Variants in LRP1B observed in about 807,000 individuals in gnomAD.
LRP1B encodes the protein LDL receptor related protein 1B.
A neutral mutation model predicts 556.6 loss-of-function variants in LRP1B; 217 were observed. The ratio of observed to expected loss-of-function variants is 0.39; its 90% CI spans 0.35 to 0.44. The LOEUF is 0.44. Ranked by LOEUF, LRP1B falls within the 20% of genes least tolerant of loss-of-function variation. LRP1B has a pLI of 1.00. For missense variants in LRP1B, 5,053 were observed against 5,620.8 expected (o/e 0.90, Z 3.23); for synonymous variants, 2,047 against 1,865.8 (o/e 1.10, Z -2.50).
At chr2:140,351,345 G>C in intron 76 of LRP1B, among the ~76,000 whole-genome samples, 1 of 151,758 alleles carries the variant, frequency 6.6e-6, no homozygotes, top group East Asian at 1.9e-4. Flanking sequence ...CAATACACTA[G>C]GTTATAATGC....
At chr2:141,187,035 T>C (rs1352298550) in intron 7 of LRP1B, among the ~76,000 whole-genome samples, 6 of 152,026 alleles carry the variant, frequency 3.9e-5, no homozygotes, top group Admixed American at 1.3e-4. Context: ...ATGCAAGCAA[T>C]ATATTTCTCA....
intron 3 of LRP1B, among the ~76,000 whole-genome samples, chr2:141,260,995 TA>T (rs1434091042): frequency 1.3e-5 from 2 of 152,120 alleles, no homozygotes; most frequent in Non-Finnish European, 2.9e-5. Context: ...TGTGGCACAT[TA>T]AAAAAACAAG....
intron 5 of LRP1B, among the ~76,000 whole-genome samples, chr2:141,239,159 T>A (rs1438190845): frequency 1.3e-5 from 2 of 152,044 alleles, no homozygotes; most frequent in Non-Finnish European, 2.9e-5. Flanking sequence ...TGAGAAAAAA[T>A]GCCCAGTAAG....
intron 67 of LRP1B, among the ~76,000 whole-genome samples, chr2:140,382,322 G>A (rs72990626): frequency 1.3e-5 from 2 of 152,022 alleles, no homozygotes; most frequent in African/African-American, 4.8e-5. Flanking sequence ...AAAATCCATT[G>A]GATTTTTAGT....
At chr2:140,572,880 TA>T (rs1290587380) in intron 43 of LRP1B, among the ~76,000 whole-genome samples, 1 of 151,794 alleles carries the variant, frequency 6.6e-6, no homozygotes, top group Admixed American at 6.6e-5. Flanking sequence ...TGTAGGACAT[TA>T]TTTTAAGTGA....
chr2:140,721,536 CTTTTTTTT>C (rs10616730), intron 35 of LRP1B, among the ~76,000 whole-genome samples: 1 of 69,570 alleles, frequency 1.4e-5, no homozygotes, highest in Non-Finnish European at 2.6e-5. Context: ...CAAAGATGCA[CTTTTTTTT>C]TTTTTTTTTT....
chr2:140,690,557 A>G (rs995171283), intron 41 of LRP1B, among the ~76,000 whole-genome samples: 11 of 152,192 alleles, frequency 7.2e-5, no homozygotes, highest in Admixed American at 1.3e-4. Flanking sequence ...CTACCACAGG[A>G]CATCTTTTGA....
intron 3 of LRP1B, among the ~76,000 whole-genome samples, chr2:141,448,257 C>G (rs1408940190): frequency 1.3e-5 from 2 of 152,234 alleles, no homozygotes; most frequent in East Asian, 3.9e-4. Context: ...ATGTTGGATG[C>G]CCCTCCCCCA....
rs140096142 is a variant in LRP1B at position 140,985,710 on chromosome 2, G to T, written c.2771-3434C>A. Among the ~76,000 whole-genome samples, 144 of 151,190 alleles carry T rather than the reference G, an allele frequency of 9.5e-4. 1 individual carries two copies. Among genetic ancestry groups the T allele is most frequent in the Non-Finnish European group, 1.7e-3 (116 of 67,778 alleles). ...CCTTTCTCTTATTATTCACTTCGCC[G>T]CATCCTGGACAATCTATTCTGGTCA... On this transcript the variant is annotated intron_variant, in intron 17 of 90. Coordinates refer to ENST00000389484, the MANE Select transcript of LRP1B (RefSeq NM_018557.3).
chr2:140,452,104 AAAC>A (rs1686908967), intron 62 of LRP1B, among the ~76,000 whole-genome samples: 1 of 152,150 alleles, frequency 6.6e-6, no homozygotes, highest in Non-Finnish European at 1.5e-5. Flanking sequence ...TACTGGAGAC[AAAC>A]TACAGGAAGT....
chr2:141,286,352 G>C (rs1426732495), intron 3 of LRP1B, among the ~76,000 whole-genome samples: 14 of 151,724 alleles, frequency 9.2e-5, no homozygotes, highest in African/African-American at 3.4e-4. Context: ...AAAAGATTTG[G>C]CTTGCTAATG....
At chr2:141,070,757 G>A (rs942041756) in intron 7 of LRP1B, among the ~76,000 whole-genome samples, 14 of 152,104 alleles carry the variant, frequency 9.2e-5, no homozygotes, top group African/African-American at 3.1e-4. Context: ...AAATCTAGAA[G>A]AAATGGATAA....
intron 41 of LRP1B, among the ~76,000 whole-genome samples, chr2:140,678,770 C>CT (rs35395485): frequency 0.66 from 90,233 of 136,106 alleles, 30,682 homozygotes; most frequent in Non-Finnish European, 0.76. Context: ...TTCAATCTCC[C>CT]TTTTTTTTTT....
intron 2 of LRP1B, among the ~76,000 whole-genome samples, chr2:141,653,368 A>G (rs1689871495): frequency 6.6e-6 from 1 of 152,166 alleles, no homozygotes; most frequent in Admixed American, 6.6e-5. Flanking sequence ...ACAATTTATA[A>G]TGGCTCAAGA....
At chr2:142,061,190 T>C (rs932080709) in intron 1 of LRP1B, among the ~76,000 whole-genome samples, 9 of 151,902 alleles carry the variant, frequency 5.9e-5, no homozygotes, top group Non-Finnish European at 1.0e-4. Context: ...TAGTTCAGAA[T>C]AAAGAGTAAA....
At chr2:141,811,583 T>A (rs1696360344) in intron 1 of LRP1B, among the ~76,000 whole-genome samples, 1 of 152,072 alleles carries the variant, frequency 6.6e-6, no homozygotes, top group African/African-American at 2.4e-5. Flanking sequence ...AACACATATA[T>A]CTTTAAAATC....
chr2:141,219,338 G>A (rs1025322528), intron 6 of LRP1B, among the ~76,000 whole-genome samples: 2 of 152,212 alleles, frequency 1.3e-5, no homozygotes, highest in East Asian at 1.9e-4. Flanking sequence ...GCAGATCACG[G>A]CAAGATTGCT....
intron 1 of LRP1B, among the ~76,000 whole-genome samples, chr2:141,926,253 T>G (rs1395364196): frequency 6.6e-6 from 1 of 152,182 alleles, no homozygotes; most frequent in Non-Finnish European, 1.5e-5. Flanking sequence ...TATCTATAGC[T>G]TCCAAGTGAC....
Position 140,444,470 on chromosome 2 carries a change from G to A in LRP1B, c.10175-21C>T, listed in dbSNP as rs2105304508. ...TGTGTCTAGAACATAGAAGGAGAGAGAGAGAGAAAATTTGTGTCTGAATTA... is the reference window on the plus strand; with the variant it reads ...TGTGTCTAGAACATAGAAGGAGAGAAAGAGAGAAAATTTGTGTCTGAATTA... On this transcript the variant is annotated intron_variant, in intron 64 of 90. Transcript: ENST00000389484. 3 of 1,613,812 alleles carry A rather than the reference G, an allele frequency of 1.9e-6. No homozygotes were observed. In the Admixed American group the frequency reaches 5.0e-5, roughly 27 times the overall value.
Sources: allele counts gnomAD v4.1 joint callset (sites outside exome capture counted in the v4.1 genomes callset), GRCh38; gene constraint gnomAD v4.1.1; transcripts MANE v1.5; gene names NCBI Gene and HGNC (gene_info 2026-07-23, HGNC 2026-07-21).